The following RXFP2 variants were observed in gnomAD, a reference collection of about 807,000 sequenced individuals.
RXFP2 encodes the protein relaxin receptor 2.
A neutral mutation model predicts 88.6 loss-of-function variants in RXFP2; 68 were observed. The ratio of observed to expected loss-of-function variants is 0.77; its 90% CI spans 0.63 to 0.94. The LOEUF is 0.94. Among genes scored for constraint, RXFP2 ranks in the 40% least tolerant of loss-of-function variants. The probability of loss-of-function intolerance (pLI) is 0.00; values close to 1 mark genes in which losing one functional copy is unlikely to be tolerated. For missense variants in RXFP2, 791 were observed against 893.9 expected, an observed-to-expected ratio of 0.88 and a Z score of 1.47; for synonymous variants, 329 against 306.8, an observed-to-expected ratio of 1.07 and a Z score of -0.76.
intron 16 of RXFP2, among the ~76,000 whole-genome samples, chr13:31,795,401 C>T (rs1233433205): frequency 6.6e-6 from 1 of 152,118 alleles, no homozygotes; most frequent in Non-Finnish European, 1.5e-5. Flanking sequence ...CCGCCCACCT[C>T]GGTTTCCCAA....
intron 17 of RXFP2, 143 bp downstream of exon 17, chr13:31,797,562 A>T (rs970020751): frequency 2.9e-6 from 2 of 698,186 alleles, no homozygotes; most frequent in Non-Finnish European, 5.0e-6. Context: ...TATAATCAGT[A>T]TTATAAAATA....
intron 1 of RXFP2, among the ~76,000 whole-genome samples, chr13:31,755,361 T>A (rs1292468066): frequency 6.6e-6 from 1 of 151,968 alleles, no homozygotes; most frequent in African/African-American, 2.4e-5. Flanking sequence ...TTCGGGAAAT[T>A]TTGTTTTCAT....
chr13:31,793,123 A>G, intron 16 of RXFP2, 35 bp downstream of exon 16: 1 of 1,552,838 alleles, frequency 6.4e-7, no homozygotes, highest in Non-Finnish European at 8.9e-7. Context: ...GGAAAAACAT[A>G]ATTTTGCTAG....
At chr13:31,783,214 G>A (rs1292450526) in intron 11 of RXFP2, among the ~76,000 whole-genome samples, 1 of 152,220 alleles carries the variant, frequency 6.6e-6, no homozygotes, top group East Asian at 1.9e-4. Flanking sequence ...TCCCAATGCT[G>A]AGAATGAGGG....
intron 3 of RXFP2, among the ~76,000 whole-genome samples, chr13:31,763,531 G>A (rs947104785): frequency 6.6e-6 from 1 of 152,180 alleles, no homozygotes; most frequent in East Asian, 1.9e-4. Context: ...TGTCAATCAT[G>A]TTCAGATAGA....
At chr13:31,772,452 A>G (rs1268951251) in intron 5 of RXFP2, among the ~76,000 whole-genome samples, 1 of 152,230 alleles carries the variant, frequency 6.6e-6, no homozygotes, top group East Asian at 1.9e-4. Flanking sequence ...GAATTCATGA[A>G]CCTGTAAGTT....
chr13:31,789,299 T>C (rs2138452869), intron 14 of RXFP2, 106 bp downstream of exon 14: 1 of 791,226 alleles, frequency 1.3e-6, no homozygotes, highest in Non-Finnish European at 2.2e-6. Context: ...GCAACAAAAG[T>C]CATTTTATTG....
In RXFP2 at chr13:31,786,456, T is replaced by C. The variant is rs769154078; in HGVS notation, c.1001+2T>C. On this transcript the variant is annotated splice_donor_variant, in intron 12 of 17. Transcript: ENST00000298386. LOFTEE classifies it high-confidence loss of function. The stretch of plus-strand genomic sequence containing the variant: ...AGACTTGAAGCTTCTACAAAAGCTG[T>C]AAGTTCTACTTCTCACCATAATCAG... The C allele has an allele frequency of 1.9e-6, 3 of 1,594,566 alleles. No homozygotes were observed. Among genetic ancestry groups the C allele is most frequent in the Non-Finnish European group, 2.6e-6 (3 of 1,162,266 alleles).
chr13:31,802,316 A>G lies in RXFP2; in HGVS notation c.2176A>G (p.Ile726Val), dbSNP rs146356698. Reference protein sequence around the residue: ...KIKKKSLSTSIVWIEDSSSLK... With the variant: ...KIKKKSLSTSVVWIEDSSSLK... ...TAAAAAAAAAAGTTTATCTACATCCATTGTGTGGATAGAGGACTCCTCTTC... is the reference window on the plus strand; with the variant it reads ...TAAAAAAAAAAGTTTATCTACATCCGTTGTGTGGATAGAGGACTCCTCTTC... The change falls in exon 18 of 18, where the codon ATT becomes GTT. Residue 726 changes from isoleucine (I) to valine (V), a missense_variant. Physicochemically the swap from Ile to Val is conservative, Grantham distance 29. Coordinates refer to ENST00000298386, the MANE Select transcript of RXFP2 (RefSeq NM_130806.5). The G allele has an allele frequency of 2.5e-6, 4 of 1,611,702 alleles. No homozygotes were observed. Among genetic ancestry groups the G allele is most frequent in the Non-Finnish European group, 3.4e-6 (4 of 1,177,932 alleles).
At position 31,798,939 on chromosome 13, in the gene RXFP2, T is replaced by G. The variant is rs563343694; in HGVS notation, c.2005+1520T>G. On this transcript the variant is annotated intron_variant, in intron 17 of 17. Transcript: ENST00000298386. Reference sequence around the variant, plus strand: ...TCACCCCACTTTCATGCAATCCAGTTGCTTAAACATCCATGATGGTTTGTT... The same window carrying G: ...TCACCCCACTTTCATGCAATCCAGTGGCTTAAACATCCATGATGGTTTGTT... 3.3e-5 allele frequency among the ~76,000 whole-genome samples: 5 copies of G among 152,332 alleles called. No individual in the cohort carries two copies. The East Asian group carries it at 9.7e-4, about 29-fold the overall frequency.
chr13:31,787,389 A>C (rs1873591412), intron 13 of RXFP2, among the ~76,000 whole-genome samples: 1 of 152,234 alleles, frequency 6.6e-6, no homozygotes, highest in Non-Finnish European at 1.5e-5. Context: ...GCATCCACTG[A>C]TGAAAAAGAT....
intron 16 of RXFP2, 114 bp downstream of exon 16, chr13:31,793,202 T>C: frequency 1.0e-6 from 1 of 974,320 alleles, no homozygotes; most frequent in South Asian, 1.6e-5. Context: ...GTCAAGACTG[T>C]GTCCTTTTTC....
chr13:31,756,693 C>T (rs963083705), intron 1 of RXFP2, among the ~76,000 whole-genome samples: 4 of 148,780 alleles, frequency 2.7e-5, no homozygotes, highest in Admixed American at 2.0e-4. Context: ...GCCATCTTGG[C>T]TCGCTGCAAC....
At chr13:31,771,046 C>A (rs964697223) in intron 5 of RXFP2, among the ~76,000 whole-genome samples, 1 of 152,130 alleles carries the variant, frequency 6.6e-6, no homozygotes, top group Non-Finnish European at 1.5e-5. Context: ...AAGGCATCCC[C>A]ACAGGAGATG....
Position 31,792,979 on chromosome 13 carries a change from T to C in RXFP2, c.1677T>C (p.Asn559=). 1 of 1,614,164 alleles carries C rather than the reference T, an allele frequency of 6.2e-7. No individual in the cohort carries two copies. The highest frequency in any genetic ancestry group is 8.5e-7 in the Non-Finnish European group (1 of 1,180,000). The stretch of plus-strand genomic sequence containing the variant: ...TAATAGCTGTAATTCCATTTTGGAA[T>C]AAGGATTATTTTGGAAACTTTTATG... ...GFLIAVIPFW[N]KDYFGNFYGK... is the part of the protein sequence containing the mutation. Residue 559 remains asparagine (N), a synonymous_variant, in exon 16 of 18, where the codon AAT becomes AAC. Coordinates refer to ENST00000298386, the MANE Select transcript of RXFP2 (RefSeq NM_130806.5).
intron 3 of RXFP2, among the ~76,000 whole-genome samples, chr13:31,762,912 T>A (rs1452404526): frequency 6.6e-6 from 1 of 152,018 alleles, no homozygotes; most frequent in Non-Finnish European, 1.5e-5. Flanking sequence ...GGCCTTATGT[T>A]TGTTTGATTT....
chr13:31,801,810 A>C (rs1874359584), intron 17 of RXFP2, among the ~76,000 whole-genome samples: 1 of 152,010 alleles, frequency 6.6e-6, no homozygotes, highest in Non-Finnish European at 1.5e-5. Flanking sequence ...ACTAAAGATT[A>C]TTTCTTTATT....
chr13:31,773,272 G>T (rs1393605229), intron 5 of RXFP2, among the ~76,000 whole-genome samples: 2 of 152,204 alleles, frequency 1.3e-5, no homozygotes, highest in African/African-American at 4.8e-5. Context: ...TACTTTGCAG[G>T]ATTGAAATTG....
intron 17 of RXFP2, among the ~76,000 whole-genome samples, chr13:31,799,005 G>A (rs78556315): frequency 0.013 from 2,052 of 152,216 alleles, 26 homozygotes; most frequent in Non-Finnish European, 0.019. Context: ...GCCTCATAGC[G>A]ACACTATTTC....
Sources: gnomAD v4.1 joint callset for allele counts (sites outside exome capture counted in the v4.1 genomes callset) on GRCh38, gnomAD v4.1.1 for gene constraint, MANE v1.5 for transcripts, NCBI Gene and HGNC (gene_info 2026-07-23, HGNC 2026-07-21) for gene names.